Variants in GPR55 observed in about 807,000 individuals in gnomAD.
GPR55 encodes G protein-coupled receptor 55.
A neutral mutation model predicts 7.9 loss-of-function variants in GPR55; 6 were observed. The ratio of observed to expected loss-of-function variants is 0.76; its 90% CI spans 0.41 to 1.49. The LOEUF is 1.49. GPR55 is among the 40% of genes most tolerant of loss of function. The pLI, the probability that GPR55 is intolerant of heterozygous loss-of-function variation, is 0.01. For synonymous variants in GPR55, 183 were observed against 166.8 expected (o/e 1.10, Z -0.75); for missense variants, 376 against 406.0 (o/e 0.93, Z 0.63).
chr2:230,922,140 G>A (rs778176260), intron 1 of GPR55, among the ~76,000 whole-genome samples: 8 of 152,180 alleles, frequency 5.3e-5, no homozygotes, highest in Non-Finnish European at 1.2e-4. Flanking sequence ...TCTTACTGAA[G>A]GGTGTTTTTG....
At chr2:230,925,919 G>C (rs1051549859), upstream of GPR55, among the ~76,000 whole-genome samples, 5 of 152,106 alleles carry the variant, frequency 3.3e-5, no homozygotes, top group African/African-American at 4.8e-5. Flanking sequence ...CACCTTCAGG[G>C]CTGGGAGGGC....
Position 230,942,502 on chromosome 2 carries a change from A to T in GPR55, c.-135+18273T>A, listed in dbSNP as rs540389762. Among the ~76,000 whole-genome samples, 61 of 152,352 alleles carry T rather than the reference A, an allele frequency of 4.0e-4. 1 individual carries two copies. Among genetic ancestry groups the T allele is most frequent in the African/African-American group, 1.4e-3 (60 of 41,584 alleles). The stretch of plus-strand genomic sequence containing the variant: ...AGGGCCAATGGAGGGCAGGTGGAAG[A>T]GGCAGGTGTGGGGGGAGAGCGGCAG... On this transcript the variant is annotated intron_variant, in intron 1 of 1. Transcript: ENST00000392039.
chr2:230,948,181 G>A (rs1304046208), intron 1 of GPR55, among the ~76,000 whole-genome samples: 1 of 151,568 alleles, frequency 6.6e-6, no homozygotes, highest in Non-Finnish European at 1.5e-5. Context: ...GTCTCCCGCA[G>A]GCCTCTGACA....
chr2:230,927,125 T>C (rs548371612), upstream of GPR55, among the ~76,000 whole-genome samples: 8 of 152,276 alleles, frequency 5.3e-5, no homozygotes, highest in South Asian at 1.7e-3. Context: ...AAAATATCTG[T>C]CCCACTCCTA....
intron 1 of GPR55, among the ~76,000 whole-genome samples, chr2:230,933,555 T>G (rs1195519582): frequency 6.6e-6 from 1 of 152,144 alleles, no homozygotes; most frequent in Non-Finnish European, 1.5e-5. Flanking sequence ...CCTCCTCAGG[T>G]TGGTCCACAG....
At chr2:230,939,894 C>G (rs1330018739) in intron 1 of GPR55, among the ~76,000 whole-genome samples, 1 of 152,006 alleles carries the variant, frequency 6.6e-6, no homozygotes, top group African/African-American at 2.4e-5. Flanking sequence ...GAGAGACAGT[C>G]ACAGGCTGAA....
chr2:230,910,870 G>A lies in GPR55; in HGVS notation c.93C>T (p.Phe31=), dbSNP rs267599258. The stretch of plus-strand genomic sequence containing the variant: ...GCAGGTTGAGGAGCAGGCCCAGGAC[G>A]AAGGTGGGGATGTGGACTGCAAACT... ...TLQFAVHIPT[F]VLGLLLNLLA... is the part of the protein sequence containing the mutation. The change falls in exon 2 of 2, where the codon TTC becomes TTT. Residue 31 remains phenylalanine, a synonymous_variant. Transcript: ENST00000650999. The surrounding 1 kb of genome is among the most constrained non-coding windows in gnomAD (Gnocchi z 5.4). The A allele has an allele frequency of 9.9e-6, 16 of 1,614,178 alleles. No individual in the cohort carries two copies. The highest frequency in any genetic ancestry group is 3.3e-5 in the South Asian group (3 of 91,074).
At chr2:230,941,425 C>T (rs1447914243) in intron 1 of GPR55, among the ~76,000 whole-genome samples, 1 of 152,240 alleles carries the variant, frequency 6.6e-6, no homozygotes, top group Non-Finnish European at 1.5e-5. Context: ...GCCCCCGCTC[C>T]CAGACCCAGG....
At chr2:230,929,042 T>C (rs1690989235), upstream of GPR55, among the ~76,000 whole-genome samples, 1 of 152,108 alleles carries the variant, frequency 6.6e-6, no homozygotes, top group Non-Finnish European at 1.5e-5. Context: ...AAAATAGAGA[T>C]GGGGTTTTGC....
At chr2:230,911,602 C>T (rs1041456963) in intron 1 of GPR55, among the ~76,000 whole-genome samples, 1 of 152,228 alleles carries the variant, frequency 6.6e-6, no homozygotes. Flanking sequence ...ATCAACACAA[C>T]TTTTGCTTGG....
At chr2:230,958,139 A>G (rs1025178632) in intron 1 of GPR55, among the ~76,000 whole-genome samples, 29 of 152,266 alleles carry the variant, frequency 1.9e-4, no homozygotes, top group Non-Finnish European at 3.2e-4. Context: ...TAACATTTTC[A>G]GGCTGTGGCT....
chr2:230,935,223 C>T (rs941038437), intron 1 of GPR55, among the ~76,000 whole-genome samples: 1 of 152,124 alleles, frequency 6.6e-6, no homozygotes, highest in African/African-American at 2.4e-5. Flanking sequence ...GCCTGGAACA[C>T]ATCAGAAAAG....
intron 1 of GPR55, among the ~76,000 whole-genome samples, chr2:230,935,184 G>C (rs547816061): frequency 6.6e-6 from 1 of 152,270 alleles, no homozygotes; most frequent in Admixed American, 6.5e-5. Flanking sequence ...GCTGTGGTCA[G>C]ACAAAGCGGC....
intron 1 of GPR55, among the ~76,000 whole-genome samples, chr2:230,942,781 G>T (rs1009889991): frequency 1.3e-5 from 2 of 151,896 alleles, no homozygotes; most frequent in African/African-American, 4.8e-5. Context: ...CCCAGAAGAA[G>T]GAACCCCCCA....
At chr2:230,932,985 A>T (rs945294163) in intron 1 of GPR55, among the ~76,000 whole-genome samples, 3 of 152,186 alleles carry the variant, frequency 2.0e-5, no homozygotes, top group Non-Finnish European at 4.4e-5. Flanking sequence ...GAGCCCCAGG[A>T]TCGTGCTCTC....
chr2:230,908,003 CCCCAAATGCCCCGTTGCA>C lies in GPR55; in HGVS notation c.*1982_*1999del. 9.9e-5 allele frequency: 15 copies of C among 151,954 alleles called. No homozygotes were observed. Among genetic ancestry groups the C allele is most frequent in the African/African-American group, 3.4e-4 (14 of 41,314 alleles). The allele number at this position is 151,954 out of a possible 1,614,324, so 9.4% of individuals were successfully genotyped here. On this transcript the variant is annotated 3_prime_UTR_variant, in exon 2 of 2. Coordinates refer to ENST00000650999, the MANE Select transcript of GPR55 (RefSeq NM_005683.4). ...ACCCGTAGACACTGACCCGAACCAG[CCCCAAATGCCCCGTTGCA>C]TGTGAAAGTCTGGCTCCCTCAGAGT...
intron 1 of GPR55, chr2:230,957,734 CT>C (rs1178466668): frequency 1.3e-4 from 73 of 545,524 alleles, no homozygotes; most frequent in Middle Eastern, 5.3e-4. Context: ...TGGCTTTGGA[CT>C]TTTTTTTTGT....
intron 1 of GPR55, among the ~76,000 whole-genome samples, chr2:230,954,587 A>G (rs1266467652): frequency 6.6e-6 from 1 of 152,240 alleles, no homozygotes; most frequent in Non-Finnish European, 1.5e-5. Context: ...GTATCCATCA[A>G]CTAAAGCATT....
intron 1 of GPR55, among the ~76,000 whole-genome samples, chr2:230,951,007 C>T (rs753870785): frequency 2.0e-5 from 3 of 152,176 alleles, no homozygotes; most frequent in Admixed American, 6.5e-5. Context: ...TTGCCCTGTG[C>T]ATCTCTTCAT....
Sources: allele counts gnomAD v4.1 joint callset (sites outside exome capture counted in the v4.1 genomes callset), GRCh38; gene constraint gnomAD v4.1.1; non-coding constraint Gnocchi (gnomAD v3.1); transcripts MANE v1.5; gene names NCBI Gene and HGNC (gene_info 2026-07-23, HGNC 2026-07-21).